ARHGEF7: variants seen among roughly 807,000 people sequenced by gnomAD.
ARHGEF7 encodes the protein Rho guanine nucleotide exchange factor 7, also known as PAK-interacting exchange factor beta.
ARHGEF7 carries 33 observed loss-of-function variants against 109.8 expected under a neutral mutation model. The ratio of observed to expected loss-of-function variants is 0.30; its 90% CI spans 0.23 to 0.40. The LOEUF (loss-of-function observed/expected upper bound fraction) is 0.40. Ranked by LOEUF, ARHGEF7 falls within the 10% of genes least tolerant of loss-of-function variation. ARHGEF7 has a pLI of 1.00. For missense variants in ARHGEF7, 938 were observed against 1,098.5 expected (o/e 0.85, Z 2.07); for synonymous variants, 458 against 424.6 (o/e 1.08, Z -0.97).
At chr13:111,274,044 A>G in intron 10 of ARHGEF7, 92 bp downstream of exon 10, 1 of 1,449,018 alleles carries the variant, frequency 6.9e-7, no homozygotes, top group South Asian at 1.4e-5. Flanking sequence ...TTCATGATTT[A>G]TTTTAGAAGC....
At chr13:111,202,040 G>A (rs2081268021) in intron 2 of ARHGEF7, among the ~76,000 whole-genome samples, 1 of 152,340 alleles carries the variant, frequency 6.6e-6, no homozygotes, top group East Asian at 1.9e-4. Flanking sequence ...CTGGTAGGAT[G>A]ATTTCATTTT....
At chr13:111,168,943 G>A (rs1046882556) in intron 2 of ARHGEF7, among the ~76,000 whole-genome samples, 1 of 152,190 alleles carries the variant, frequency 6.6e-6, no homozygotes, top group Non-Finnish European at 1.5e-5. Flanking sequence ...TGCCAGAGAG[G>A]ATGCAGACAG....
At position 111,187,737 on chromosome 13, in the gene ARHGEF7, C is replaced by A. The variant is rs78629970; in HGVS notation, c.253-17552C>A. On this transcript the variant is annotated intron_variant, in intron 2 of 21. Coordinates refer to ENST00000646102, the MANE Select transcript of ARHGEF7 (RefSeq NM_001354046.2). ...TGGGGTGAGGCAAAGTCACTAATAT[C>A]GGGGTATCAGTAGGGGAGCCTTTCG... Among the ~76,000 whole-genome samples the A allele has an allele frequency of 9.5e-3, 1,451 of 152,282 alleles. 19 individuals carry two copies. The highest frequency in any genetic ancestry group is 0.032 in the African/African-American group (1,326 of 41,570).
At chr13:111,136,504 T>G (rs1223720806) in intron 1 of ARHGEF7, among the ~76,000 whole-genome samples, 9 of 150,196 alleles carry the variant, frequency 6.0e-5, no homozygotes, top group South Asian at 4.2e-4. Context: ...ACTGGGTACA[T>G]AACAAAATGA....
intron 1 of ARHGEF7, among the ~76,000 whole-genome samples, chr13:111,125,070 T>C (rs2067468454): frequency 6.6e-6 from 1 of 152,188 alleles, no homozygotes; most frequent in Admixed American, 6.5e-5. Context: ...AGGTGTCTTC[T>C]AGTTTTATTG....
chr13:111,292,030 T>C, intron 18 of ARHGEF7, 88 bp from the exon 19 acceptor site: 1 of 1,127,650 alleles, frequency 8.9e-7, no homozygotes, highest in Non-Finnish European at 1.3e-6. Context: ...CCTTTTGCTT[T>C]TGTTCCATGT....
intron 5 of ARHGEF7, among the ~76,000 whole-genome samples, chr13:111,221,219 A>G (rs1392227534): frequency 1.7e-5 from 1 of 58,960 alleles, no homozygotes; most frequent in African/African-American, 7.8e-5. Context: ...ATATATGTCT[A>G]TATATATCTA....
intron 2 of ARHGEF7, among the ~76,000 whole-genome samples, chr13:111,168,711 C>T (rs1234831254): frequency 1.3e-5 from 2 of 152,078 alleles, no homozygotes; most frequent in Admixed American, 1.3e-4. Flanking sequence ...TTTTTTGAAG[C>T]TTGAGAGATG....
intron 2 of ARHGEF7, among the ~76,000 whole-genome samples, chr13:111,163,950 A>C (rs2076936692): frequency 6.6e-6 from 1 of 152,172 alleles, no homozygotes; most frequent in African/African-American, 2.4e-5. Context: ...AAGTCTATAA[A>C]ATCGTGTTGG....
intron 2 of ARHGEF7, among the ~76,000 whole-genome samples, chr13:111,201,136 C>G (rs567855870): frequency 6.6e-6 from 1 of 152,276 alleles, no homozygotes; most frequent in South Asian, 2.1e-4. Context: ...TTGTCCAAAT[C>G]CCCATCGTCC....
chr13:111,294,995 C>CTCTT (rs1459229232), intron 19 of ARHGEF7: 2 of 985,494 alleles, frequency 2.0e-6, no homozygotes, highest in Admixed American at 1.2e-4. Context: ...TATAATTGTG[C>CTCTT]TCTTTATCTG....
chr13:111,227,880 C>T (rs1026599720), intron 5 of ARHGEF7, among the ~76,000 whole-genome samples: 3 of 152,254 alleles, frequency 2.0e-5, no homozygotes, highest in African/African-American at 7.2e-5. Context: ...TATCCTCCCA[C>T]ATTCTGCCTT....
At chr13:111,124,059 C>G (rs759631245) in intron 1 of ARHGEF7, among the ~76,000 whole-genome samples, 1 of 151,550 alleles carries the variant, frequency 6.6e-6, no homozygotes, top group African/African-American at 2.4e-5. Context: ...TCTAAAAGTT[C>G]TTTTTTCTCG....
At chr13:111,241,640 C>T (rs1446327877) in intron 6 of ARHGEF7, among the ~76,000 whole-genome samples, 1 of 152,200 alleles carries the variant, frequency 6.6e-6, no homozygotes, top group African/African-American at 2.4e-5. Context: ...ATTTCTACAA[C>T]CAGCGCTTAG....
intron 21 of ARHGEF7, among the ~76,000 whole-genome samples, chr13:111,302,490 G>A (rs1409053272): frequency 6.6e-6 from 1 of 152,196 alleles, no homozygotes; most frequent in African/African-American, 2.4e-5. Context: ...TGGCTGGCAG[G>A]CTTCCATGTT....
At chr13:111,276,129 A>T (rs1176225105) in intron 12 of ARHGEF7, 1 of 174,084 alleles carries the variant, frequency 5.7e-6, no homozygotes. Context: ...CAGTTTTCTT[A>T]CAGGTTTGGT....
chr13:111,177,936 C>T (rs1269688866), intron 2 of ARHGEF7, among the ~76,000 whole-genome samples: 2 of 152,164 alleles, frequency 1.3e-5, no homozygotes, highest in Non-Finnish European at 2.9e-5. Flanking sequence ...TGAACTCGCA[C>T]GCAGTGTGGT....
chr13:111,115,753 C>A, intron 1 of ARHGEF7, 62 bp downstream of exon 1: 1 of 1,005,428 alleles, frequency 9.9e-7, no homozygotes, highest in Non-Finnish European at 1.2e-6. Context: ...GCCCGGGATG[C>A]GCGCGGAGCA....
chr13:111,163,442 CT>C (rs1490475053), intron 2 of ARHGEF7, among the ~76,000 whole-genome samples: 1 of 152,092 alleles, frequency 6.6e-6, no homozygotes, highest in African/African-American at 2.4e-5. Context: ...TCTTCTTTGT[CT>C]AGATCAGCAC....
Sources: gnomAD v4.1 joint callset for allele counts (sites outside exome capture counted in the v4.1 genomes callset) on GRCh38, gnomAD v4.1.1 for gene constraint, MANE v1.5 for transcripts, NCBI Gene and HGNC (gene_info 2026-07-23, HGNC 2026-07-21) for gene names.